The following BMPR1B variants were observed in gnomAD, a reference collection of about 807,000 sequenced individuals.
BMPR1B encodes the protein bone morphogenetic protein receptor type-1B.
Under a neutral mutation model 59.1 loss-of-function variants are expected in BMPR1B, and 12 were observed. The observed-to-expected ratio is 0.20, with a 90% confidence interval of 0.13 to 0.33. The LOEUF (loss-of-function observed/expected upper bound fraction) is 0.33, where lower values mean the gene tolerates loss of function less well. Ranked by LOEUF, BMPR1B falls within the 10% of genes least tolerant of loss-of-function variation. The pLI is 1.00. For missense variants in BMPR1B, 550 were observed against 610.9 expected (o/e 0.90, Z 1.05); for synonymous variants, 237 against 207.3 (o/e 1.14, Z -1.23).
intron 1 of BMPR1B, among the ~76,000 whole-genome samples, chr4:94,794,745 A>G (rs1723120856): frequency 6.6e-6 from 1 of 151,910 alleles, no homozygotes; most frequent in South Asian, 2.1e-4. Context: ...ATCCCTTGTA[A>G]ATTGGATTCC....
intron 3 of BMPR1B, among the ~76,000 whole-genome samples, chr4:95,027,524 A>G (rs149046846): frequency 7.9e-4 from 121 of 152,338 alleles, no homozygotes; most frequent in African/African-American, 2.8e-3. Context: ...GAAGATGTCC[A>G]GAGTAACAAT....
chr4:94,791,559 A>G (rs1722989348), intron 1 of BMPR1B, among the ~76,000 whole-genome samples: 1 of 152,192 alleles, frequency 6.6e-6, no homozygotes, highest in Non-Finnish European at 1.5e-5. Context: ...ATCTAAATTA[A>G]TTTTTATTTA....
At chr4:95,039,425 T>C (rs939850835) in intron 3 of BMPR1B, among the ~76,000 whole-genome samples, 9 of 151,014 alleles carry the variant, frequency 6.0e-5, no homozygotes, top group Non-Finnish European at 8.9e-5. Context: ...CTTCTTCTTT[T>C]TTTTTTTTTT....
intron 2 of BMPR1B, among the ~76,000 whole-genome samples, chr4:94,957,094 T>G (rs1045441354): frequency 2.7e-4 from 41 of 152,324 alleles, no homozygotes; most frequent in African/African-American, 8.9e-4. Context: ...GCAAGTGTTG[T>G]GAGTCCTCTA....
At chr4:95,091,099 A>ATATT (rs572306232) in intron 3 of BMPR1B, among the ~76,000 whole-genome samples, 117 of 152,234 alleles carry the variant, frequency 7.7e-4, no homozygotes, top group Middle Eastern at 3.4e-3. Context: ...ATGTCAAAGG[A>ATATT]TATTATAAAG....
chr4:94,792,502 C>A (rs1560486755), intron 1 of BMPR1B, among the ~76,000 whole-genome samples: 1 of 152,034 alleles, frequency 6.6e-6, no homozygotes, highest in Non-Finnish European at 1.5e-5. Context: ...CACACGCACA[C>A]TTTTTGCTTT....
intron 4 of BMPR1B, among the ~76,000 whole-genome samples, chr4:95,106,891 T>A (rs557923619): frequency 1.3e-5 from 2 of 152,162 alleles, no homozygotes; most frequent in African/African-American, 2.4e-5. Context: ...CACTTCATGC[T>A]GCTGTTTGAG....
chr4:94,885,666 A>C (rs1444354901), intron 2 of BMPR1B, among the ~76,000 whole-genome samples: 1 of 152,182 alleles, frequency 6.6e-6, no homozygotes, highest in Non-Finnish European at 1.5e-5. Context: ...CATTTCTGGC[A>C]TTATGGCAGA....
At chr4:94,840,582 C>G (rs1168761832) in intron 1 of BMPR1B, among the ~76,000 whole-genome samples, 4 of 145,780 alleles carry the variant, frequency 2.7e-5, no homozygotes, top group African/African-American at 1.0e-4. Flanking sequence ...GCATTCTTCA[C>G]GTAGTTCTCG....
chr4:94,824,194 TACC>T (rs1724305541), intron 1 of BMPR1B, among the ~76,000 whole-genome samples: 1 of 152,258 alleles, frequency 6.6e-6, no homozygotes, highest in South Asian at 2.1e-4. Flanking sequence ...TGCACGAATT[TACC>T]ACTTAATTCT....
chr4:94,976,662 G>T (rs1009904856), intron 2 of BMPR1B, among the ~76,000 whole-genome samples: 23 of 152,264 alleles, frequency 1.5e-4, no homozygotes, highest in African/African-American at 5.3e-4. Context: ...AGGTTCTTTG[G>T]AAAACCTTTG....
At chr4:94,863,856 T>TAAGCAC (rs1209250976) in intron 1 of BMPR1B, among the ~76,000 whole-genome samples, 1 of 152,240 alleles carries the variant, frequency 6.6e-6, no homozygotes, top group Non-Finnish European at 1.5e-5. Context: ...CGTATCTGAA[T>TAAGCAC]AAGCACAACA....
At chr4:95,009,334 G>A (rs1723068450) in intron 3 of BMPR1B, among the ~76,000 whole-genome samples, 1 of 152,046 alleles carries the variant, frequency 6.6e-6, no homozygotes, top group Non-Finnish European at 1.5e-5. Context: ...AATAGTAGTA[G>A]TATACATAGT....
At chr4:95,097,114 TA>T (rs1730478165) in intron 3 of BMPR1B, among the ~76,000 whole-genome samples, 1 of 119,624 alleles carries the variant, frequency 8.4e-6, no homozygotes, top group Non-Finnish European at 1.7e-5. Context: ...TATAAAACTA[TA>T]ATTTATATAT....
At chr4:94,984,088 T>C (rs1436744889) in intron 2 of BMPR1B, among the ~76,000 whole-genome samples, 2 of 152,156 alleles carry the variant, frequency 1.3e-5, no homozygotes, top group African/African-American at 4.8e-5. Flanking sequence ...CTAAGCCAAT[T>C]GGAGGGGGAG....
At chr4:94,795,367 AG>A (rs1316063854) in intron 1 of BMPR1B, among the ~76,000 whole-genome samples, 4 of 151,892 alleles carry the variant, frequency 2.6e-5, no homozygotes, top group Non-Finnish European at 4.4e-5. Flanking sequence ...CCAGGGATGA[AG>A]CCCACTTGAT....
intron 1 of BMPR1B, among the ~76,000 whole-genome samples, chr4:94,786,142 T>C (rs1480347603): frequency 6.6e-6 from 1 of 152,166 alleles, no homozygotes; most frequent in African/African-American, 2.4e-5. Flanking sequence ...ATTTGTAGAA[T>C]AGATCTTGAG....
Position 95,158,162 on chromosome 4 carries a change from A to T in BMPR1B, c.*3489A>T, listed in dbSNP as rs142488637. ...TAGCAGTGGAAATGAAAGAAATGGC[A>T]TCAGAAGTGACTTAATTTAGCAATT... On this transcript the variant is annotated 3_prime_UTR_variant, in exon 13 of 13. Coordinates refer to ENST00000515059, the MANE Select transcript of BMPR1B (RefSeq NM_001203.3). 6.6e-6 allele frequency: 1 copy of T among 152,206 alleles called. No individual in the cohort carries two copies. The highest frequency in any genetic ancestry group is 2.4e-5 in the African/African-American group (1 of 41,442). The allele number at this position is 152,206 out of a possible 1,614,324, so 9.4% of individuals were successfully genotyped here.
chr4:95,020,439 C>T (rs1211589876), intron 3 of BMPR1B, among the ~76,000 whole-genome samples: 8 of 151,982 alleles, frequency 5.3e-5, no homozygotes, highest in East Asian at 1.9e-4. Context: ...ATTAGCTGGG[C>T]GTGGTGGTAC....
Sources: allele counts gnomAD v4.1 joint callset (sites outside exome capture counted in the v4.1 genomes callset), GRCh38; gene constraint gnomAD v4.1.1; transcripts MANE v1.5; gene names NCBI Gene and HGNC (gene_info 2026-07-23, HGNC 2026-07-21).